FAM184B: variants seen among roughly 807,000 people sequenced by gnomAD.
FAM184B encodes the protein protein FAM184B.
FAM184B carries 111 observed loss-of-function variants against 135.9 expected under a neutral mutation model. The observed-to-expected ratio is 0.82, with a 90% confidence interval of 0.70 to 0.96. The LOEUF (loss-of-function observed/expected upper bound fraction) is 0.96, where lower values mean the gene tolerates loss of function less well. Ranked by LOEUF, FAM184B falls within the 40% of genes least tolerant of loss-of-function variation. FAM184B has a pLI of 0.00. For synonymous variants in FAM184B, 552 were observed against 524.8 expected (o/e 1.05, Z -0.71); for missense variants, 1,375 against 1,323.9 (o/e 1.04, Z -0.60).
intron 7 of FAM184B, among the ~76,000 whole-genome samples, chr4:17,670,769 G>A (rs1291054948): frequency 6.6e-6 from 1 of 152,162 alleles, no homozygotes; most frequent in Non-Finnish European, 1.5e-5. Context: ...TTTGCCTCAG[G>A]TCTCATGGCC....
rs61539641 is a variant in FAM184B at position 17,721,383 on chromosome 4, C to CA, written c.142-11740dup. On this transcript the variant is annotated intron_variant, in intron 1 of 17. Transcript: ENST00000265018. Reference sequence around the variant, plus strand: ...TGGGCGACAGAGAAAGATTCTGTCTCAAAAAAAAAAAAAAAAAAAAAAATC... The same window carrying CA: ...TGGGCGACAGAGAAAGATTCTGTCTCAAAAAAAAAAAAAAAAAAAAAAAATC... Among the ~76,000 whole-genome samples the CA allele has an allele frequency of 1.7e-3, 80 of 47,366 alleles. 4 individuals carry two copies. The highest frequency in any genetic ancestry group is 2.8e-3 in the African/African-American group (35 of 12,564). 31.1% of individuals were successfully genotyped at this position (47,366 alleles called of 152,430 possible). A position where few individuals can be genotyped will look rare whatever the true frequency, so the allele number is the denominator to read the frequency against.
chr4:17,766,819 C>G (rs1009565960), intron 1 of FAM184B, among the ~76,000 whole-genome samples: 30 of 152,234 alleles, frequency 2.0e-4, no homozygotes, highest in Non-Finnish European at 1.3e-4. Context: ...CACTCCTCAG[C>G]CCCTGGGCGG....
At chr4:17,699,833 C>G (rs895599323) in intron 5 of FAM184B, among the ~76,000 whole-genome samples, 1 of 151,892 alleles carries the variant, frequency 6.6e-6, no homozygotes, top group Non-Finnish European at 1.5e-5. Flanking sequence ...TATGGTTGTC[C>G]GTTTAAGCAA....
At chr4:17,746,713 C>G (rs1331289446) in intron 1 of FAM184B, among the ~76,000 whole-genome samples, 1 of 143,100 alleles carries the variant, frequency 7.0e-6, no homozygotes, top group Non-Finnish European at 1.5e-5. Context: ...GCCTAGGCGA[C>G]AGAGCGAGAC....
intron 6 of FAM184B, 140 bp from the exon 7 acceptor site, chr4:17,688,671 T>A: frequency 3.2e-6 from 1 of 313,872 alleles, no homozygotes; most frequent in Non-Finnish European, 5.8e-6. Context: ...CACACACTTC[T>A]AGAAATGCCT....
At chr4:17,704,931 A>G (rs1250179548) in intron 5 of FAM184B, 69 bp downstream of exon 5, 3 of 1,399,762 alleles carry the variant, frequency 2.1e-6, no homozygotes, top group Non-Finnish European at 2.9e-6. Flanking sequence ...AGAAGGAACA[A>G]AAAAGGAAAG....
chr4:17,667,574 G>A (rs544332054), intron 7 of FAM184B, among the ~76,000 whole-genome samples: 1 of 152,320 alleles, frequency 6.6e-6, no homozygotes, highest in Non-Finnish European at 1.5e-5. Context: ...GCACTCCAAA[G>A]TGATGGCCTG....
intron 1 of FAM184B, among the ~76,000 whole-genome samples, chr4:17,715,467 C>G (rs1311237167): frequency 6.6e-6 from 1 of 151,804 alleles, no homozygotes; most frequent in Admixed American, 6.6e-5. Context: ...TAGAGTGACA[C>G]TCTATCTCAA....
chr4:17,754,853 A>G (rs1242887775), intron 1 of FAM184B, among the ~76,000 whole-genome samples: 2 of 152,158 alleles, frequency 1.3e-5, no homozygotes, highest in East Asian at 3.9e-4. Flanking sequence ...CAGATAGGAA[A>G]TCAATAAAAT....
At chr4:17,632,855 T>G in intron 17 of FAM184B, 1 of 395,684 alleles carries the variant, frequency 2.5e-6, no homozygotes, top group South Asian at 3.0e-5. Flanking sequence ...GGTTCTCCAT[T>G]GTTCCTTTGA....
At chr4:17,635,165 G>T in intron 15 of FAM184B, 52 bp from the exon 16 acceptor site, 1 of 1,417,036 alleles carries the variant, frequency 7.1e-7, no homozygotes, top group Non-Finnish European at 9.7e-7. Context: ...ACAGCACTGG[G>T]TTTGACTTGA....
chr4:17,705,961 G>T, intron 3 of FAM184B, 70 bp from the exon 4 acceptor site: 1 of 1,535,856 alleles, frequency 6.5e-7, no homozygotes. Flanking sequence ...GCTTTCTGCT[G>T]TCAGGCCCCC....
chr4:17,653,016 A>C, intron 10 of FAM184B, 33 bp from the exon 11 acceptor site: 1 of 1,549,858 alleles, frequency 6.5e-7, no homozygotes, highest in Non-Finnish European at 8.7e-7. Context: ...GAAGGCATGA[A>C]AGTGGGCATG....
Position 17,709,214 on chromosome 4 carries a change from G to C in FAM184B, c.572C>G (p.Pro191Arg). The C allele has an allele frequency of 1.3e-6, 2 of 1,547,706 alleles. No homozygotes were observed. Among genetic ancestry groups the C allele is most frequent in the South Asian group, 1.2e-5 (1 of 83,848 alleles). ...PETKSEPGQG[P>R]EMQEVLLEVQ... Reference sequence around the variant, plus strand: ...CTCTAGCAGGACCTCCTGCATCTCCGGGCCCTGGCCTGGCTCCGACTTGGT... The same window carrying C: ...CTCTAGCAGGACCTCCTGCATCTCCCGGCCCTGGCCTGGCTCCGACTTGGT... Residue 191 changes from proline to arginine, a missense_variant, in exon 2 of 18, where the codon CCG becomes CGG. By Grantham distance (103) the Pro-to-Arg change is moderately radical. Coordinates refer to ENST00000265018, the MANE Select transcript of FAM184B (RefSeq NM_015688.2).
intron 1 of FAM184B, among the ~76,000 whole-genome samples, chr4:17,765,295 C>A (rs1718636863): frequency 6.6e-6 from 1 of 152,048 alleles, no homozygotes; most frequent in African/African-American, 2.4e-5. Context: ...TCCTAATATT[C>A]TTTCATGGGC....
In FAM184B at chr4:17,733,862, C is replaced by T. The variant is rs1241808634; in HGVS notation, c.142-24218G>A. On this transcript the variant is annotated intron_variant, in intron 1 of 17. Coordinates refer to ENST00000265018, the MANE Select transcript of FAM184B (RefSeq NM_015688.2). Reference sequence around the variant, plus strand: ...TCATATGGATCCAAAAAAGAGCCCGCATTGCCAAGTCAATCCTAAGCCAAA... The same window carrying T: ...TCATATGGATCCAAAAAAGAGCCCGTATTGCCAAGTCAATCCTAAGCCAAA... Among the ~76,000 whole-genome samples the T allele has an allele frequency of 2.6e-5, 4 of 152,246 alleles. No homozygotes were observed. In the East Asian group the frequency reaches 7.7e-4, roughly 29 times the overall value.
rs1205802851 is a variant in FAM184B at position 17,664,558 on chromosome 4, G to A, written c.1694+4C>T. On this transcript the variant is annotated splice_donor_region_variant and intron_variant, in intron 8 of 17. Transcript: ENST00000265018. ...CACTCAGAAGTCTGCATGTCCTCCT[G>A]TACCTTTCTTCTTCATCACTGCTGG... 6.5e-7 allele frequency: 1 copy of A among 1,548,724 alleles called. No homozygotes were observed. The highest frequency in any genetic ancestry group is 8.7e-7 in the Non-Finnish European group (1 of 1,144,724).
At chr4:17,700,830 A>G (rs1401628198) in intron 5 of FAM184B, among the ~76,000 whole-genome samples, 1 of 152,206 alleles carries the variant, frequency 6.6e-6, no homozygotes, top group African/African-American at 2.4e-5. Context: ...TCAATAATAA[A>G]ATGATATCTA....
chr4:17,745,399 T>TCAC (rs1718137201), intron 1 of FAM184B, among the ~76,000 whole-genome samples: 1 of 152,154 alleles, frequency 6.6e-6, no homozygotes, highest in Non-Finnish European at 1.5e-5. Context: ...CCCCTGCCGC[T>TCAC]TACCAAGCTA....
Sources: gnomAD v4.1 joint callset for allele counts (sites outside exome capture counted in the v4.1 genomes callset) on GRCh38, gnomAD v4.1.1 for gene constraint, MANE v1.5 for transcripts, NCBI Gene and HGNC (gene_info 2026-07-23, HGNC 2026-07-21) for gene names.